The following EGF variants were observed in gnomAD, a reference collection of about 807,000 sequenced individuals.
EGF encodes epidermal growth factor.
A neutral mutation model predicts 143.8 loss-of-function variants in EGF; 95 were observed. That is an observed-to-expected ratio of 0.66 (90% CI 0.56 to 0.78). The LOEUF (loss-of-function observed/expected upper bound fraction) is 0.78, where lower values mean the gene tolerates loss of function less well. Ranked by LOEUF, EGF falls within the 30% of genes least tolerant of loss-of-function variation. EGF has a pLI of 0.00. For missense variants in EGF, 1,320 were observed against 1,470.9 expected, an observed-to-expected ratio of 0.90 and a Z score of 1.68; for synonymous variants, 510 against 510.5, an observed-to-expected ratio of 1.00 and a Z score of 0.01.
Position 109,974,819 on chromosome 4 carries a change from T to C in EGF, c.1829+12T>C. 1 of 1,603,240 alleles carries C rather than the reference T, an allele frequency of 6.2e-7. No homozygotes were observed. The highest frequency in any genetic ancestry group is 1.3e-5 in the African/African-American group (1 of 74,806). ...CATCCAATGGCCAAGTAGGTATTTGTAAAAATAAGGCACTGCTCTGCAGAG... is the reference window on the plus strand; with the variant it reads ...CATCCAATGGCCAAGTAGGTATTTGCAAAAATAAGGCACTGCTCTGCAGAG... On this transcript the variant is annotated intron_variant, in intron 12 of 23. Coordinates refer to ENST00000265171, the MANE Select transcript of EGF (RefSeq NM_001963.6).
chr4:109,960,742 T>C (rs1745552712), intron 6 of EGF, 125 bp from the exon 7 acceptor site: 3 of 1,111,878 alleles, frequency 2.7e-6, no homozygotes, highest in African/African-American at 3.1e-5. Context: ...GAAAACAGAC[T>C]TTCCATGATC....
intron 16 of EGF, among the ~76,000 whole-genome samples, chr4:109,986,547 A>G (rs1750137236): frequency 6.6e-6 from 1 of 152,178 alleles, no homozygotes; most frequent in African/African-American, 2.4e-5. Flanking sequence ...CCTGAATCCT[A>G]CTTAGATCAT....
intron 1 of EGF, among the ~76,000 whole-genome samples, chr4:109,932,523 C>T (rs1047865288): frequency 2.7e-5 from 4 of 150,644 alleles, no homozygotes; most frequent in African/African-American, 4.9e-5. Context: ...GGACTACAGG[C>T]GCTCGCCACC....
intron 5 of EGF, among the ~76,000 whole-genome samples, chr4:109,949,702 T>C (rs1020647492): frequency 1.3e-5 from 2 of 151,922 alleles, no homozygotes; most frequent in Non-Finnish European, 1.5e-5. Context: ...AGATCTGCTA[T>C]AGAGTTAAAC....
intron 5 of EGF, 153 bp from the exon 6 acceptor site, chr4:109,959,159 T>A (rs780184000): frequency 2.8e-5 from 34 of 1,217,416 alleles, no homozygotes; most frequent in Non-Finnish European, 3.7e-5. Context: ...TTCGGGATGC[T>A]GGGGAATCTG....
chr4:110,009,271 A>G (rs1753705914), intron 23 of EGF, among the ~76,000 whole-genome samples: 1 of 152,220 alleles, frequency 6.6e-6, no homozygotes, highest in Non-Finnish European at 1.5e-5. Flanking sequence ...TTTTATATGG[A>G]TCATTACTTT....
At chr4:109,927,847 G>C (rs958503556) in intron 1 of EGF, among the ~76,000 whole-genome samples, 2 of 136,222 alleles carry the variant, frequency 1.5e-5, no homozygotes, top group Admixed American at 1.5e-4. Flanking sequence ...GTGTGTGTGT[G>C]TGAAACATTT....
At chr4:109,914,978 G>T (rs1000060525) in intron 1 of EGF, among the ~76,000 whole-genome samples, 1 of 152,182 alleles carries the variant, frequency 6.6e-6, no homozygotes, top group Non-Finnish European at 1.5e-5. Flanking sequence ...GAAGAACCCA[G>T]GTTGCTGAAG....
At chr4:109,964,649 AT>A in intron 10 of EGF, 112 bp downstream of exon 10, 1 of 1,442,118 alleles carries the variant, frequency 6.9e-7, no homozygotes, top group Non-Finnish European at 9.6e-7. Flanking sequence ...GTTCTGAATG[AT>A]TAGGCACAGA....
intron 4 of EGF, 62 bp downstream of exon 4, chr4:109,944,131 A>C: frequency 6.5e-7 from 1 of 1,535,650 alleles, no homozygotes; most frequent in Non-Finnish European, 8.9e-7. Context: ...AGATAAATTA[A>C]TTTTACTTTT....
intron 13 of EGF, among the ~76,000 whole-genome samples, chr4:109,979,631 A>G (rs1749028056): frequency 6.6e-6 from 1 of 152,224 alleles, no homozygotes; most frequent in Admixed American, 6.5e-5. Context: ...AGTTTAGTCT[A>G]TAAGTAGCGA....
At chr4:109,914,160 C>T (rs1266366868) in intron 1 of EGF, among the ~76,000 whole-genome samples, 1 of 152,166 alleles carries the variant, frequency 6.6e-6, no homozygotes, top group Non-Finnish European at 1.5e-5. Context: ...AATTACAATC[C>T]TGCCAAAGGA....
chr4:110,001,834 T>G, intron 21 of EGF: 1 of 985,432 alleles, frequency 1.0e-6, no homozygotes, highest in Non-Finnish European at 1.2e-6. Flanking sequence ...GAACCCTTTC[T>G]TTTTCTCTTC....
intron 1 of EGF, among the ~76,000 whole-genome samples, chr4:109,924,203 TC>T (rs1334063385): frequency 1.3e-5 from 2 of 151,642 alleles, no homozygotes; most frequent in African/African-American, 4.9e-5. Flanking sequence ...TGAAGTAGCT[TC>T]TCAGGTCCTA....
chr4:109,958,452 A>G (rs982779970), intron 5 of EGF, among the ~76,000 whole-genome samples: 2 of 152,164 alleles, frequency 1.3e-5, no homozygotes, highest in African/African-American at 4.8e-5. Context: ...CAACTCGCTG[A>G]GCAGATTTTA....
intron 1 of EGF, among the ~76,000 whole-genome samples, chr4:109,926,415 C>T (rs1029980272): frequency 2.7e-5 from 4 of 147,920 alleles, no homozygotes; most frequent in Non-Finnish European, 5.9e-5. Context: ...AGTGCAGTGG[C>T]GCGATCTCGT....
chr4:109,986,720 G>A (rs1750171829), intron 16 of EGF, among the ~76,000 whole-genome samples: 1 of 151,488 alleles, frequency 6.6e-6, no homozygotes, highest in South Asian at 2.1e-4. Flanking sequence ...AGTGGCATTT[G>A]GAGAATGATT....
chr4:110,005,581 A>G (rs1053394445), intron 22 of EGF, among the ~76,000 whole-genome samples: 1 of 152,208 alleles, frequency 6.6e-6, no homozygotes, highest in Admixed American at 6.5e-5. Context: ...TCCGAAAAGC[A>G]CAGAGGTTTG....
intron 5 of EGF, among the ~76,000 whole-genome samples, chr4:109,950,827 G>A (rs1263055472): frequency 1.3e-5 from 2 of 152,158 alleles, no homozygotes; most frequent in African/African-American, 4.8e-5. Flanking sequence ...TCTACTGTGA[G>A]CCTAAGTTAG....
Sources: gnomAD v4.1 joint callset for allele counts (sites outside exome capture counted in the v4.1 genomes callset) on GRCh38, gnomAD v4.1.1 for gene constraint, MANE v1.5 for transcripts, NCBI Gene and HGNC (gene_info 2026-07-23, HGNC 2026-07-21) for gene names.